The following GLRA1 variants were observed in gnomAD, a reference collection of about 807,000 sequenced individuals.
GLRA1 encodes glycine receptor subunit alpha-1.
In GLRA1, 37 loss-of-function variants were observed where a neutral mutation model predicts 48.3. The observed-to-expected ratio is 0.77, with a 90% CI of 0.59 to 1.01. The LOEUF is 1.01. Ranked by LOEUF, GLRA1 falls within the 50% of genes least tolerant of loss-of-function variation. GLRA1 has a pLI of 0.00. For missense variants in GLRA1, 427 were observed against 571.0 expected, an observed-to-expected ratio of 0.75 and a Z score of 2.57; for synonymous variants, 196 against 210.7, an observed-to-expected ratio of 0.93 and a Z score of 0.60.
At chr5:151,918,435 C>G (rs1754790430) in intron 1 of GLRA1, among the ~76,000 whole-genome samples, 1 of 152,186 alleles carries the variant, frequency 6.6e-6, no homozygotes, top group African/African-American at 2.4e-5. Context: ...TGAGGCCCTT[C>G]TCATTTCTTA....
intron 1 of GLRA1, among the ~76,000 whole-genome samples, chr5:151,913,388 G>A (rs1754663331): frequency 6.6e-6 from 1 of 152,168 alleles, no homozygotes; most frequent in Admixed American, 6.5e-5. Context: ...CACAACATGA[G>A]TTACAATACA....
chr5:151,881,058 A>G (rs1753748456), intron 3 of GLRA1, among the ~76,000 whole-genome samples: 1 of 152,224 alleles, frequency 6.6e-6, no homozygotes, highest in South Asian at 2.1e-4. Flanking sequence ...TTGAAGTTAC[A>G]TGTCTACACA....
intron 8 of GLRA1, among the ~76,000 whole-genome samples, chr5:151,823,625 T>C (rs1019435967): frequency 1.7e-4 from 26 of 152,212 alleles, no homozygotes; most frequent in Admixed American, 1.1e-3. Context: ...TCCCTGGCAG[T>C]TGTAACTTCA....
chr5:151,877,644 T>C (rs997491221), intron 3 of GLRA1, among the ~76,000 whole-genome samples: 3 of 152,166 alleles, frequency 2.0e-5, no homozygotes, highest in Admixed American at 1.3e-4. Context: ...TGGGAAGTAA[T>C]TGAATCATGG....
chr5:151,845,653 T>A (rs1226901981), intron 7 of GLRA1, among the ~76,000 whole-genome samples: 1 of 152,226 alleles, frequency 6.6e-6, no homozygotes, highest in Non-Finnish European at 1.5e-5. Context: ...GAAAACAGTT[T>A]GGCAGTTCCT....
At chr5:151,835,884 C>G (rs897534379) in intron 7 of GLRA1, among the ~76,000 whole-genome samples, 1 of 152,174 alleles carries the variant, frequency 6.6e-6, no homozygotes, top group Non-Finnish European at 1.5e-5. Flanking sequence ...GAAGCATTCC[C>G]TTTGAAAGCC....
chr5:151,832,853 T>G (rs928002853), intron 7 of GLRA1, among the ~76,000 whole-genome samples: 1 of 152,090 alleles, frequency 6.6e-6, no homozygotes, highest in South Asian at 2.1e-4. Flanking sequence ...ATTGTCAGAT[T>G]CACAAAGGTT....
intron 1 of GLRA1, among the ~76,000 whole-genome samples, chr5:151,897,947 C>T (rs566982149): frequency 1.3e-5 from 2 of 152,272 alleles, no homozygotes; most frequent in Admixed American, 6.5e-5. Flanking sequence ...ACCTTTTGGT[C>T]AGGGGATTTG....
chr5:151,918,578 A>G (rs1754794409), intron 1 of GLRA1, among the ~76,000 whole-genome samples: 1 of 152,212 alleles, frequency 6.6e-6, no homozygotes, highest in Admixed American at 6.5e-5. Context: ...GTTAGTGGGT[A>G]TTCATGTCAT....
intron 8 of GLRA1, among the ~76,000 whole-genome samples, chr5:151,827,029 G>GTTTTTTTTTTTTTT (rs199505206): frequency 7.9e-6 from 1 of 126,802 alleles, no homozygotes; most frequent in African/African-American, 2.9e-5. Flanking sequence ...CTTTCTTTCT[G>GTTTTTTTTTTTTTT]TTTTTTTTTT....
At chr5:151,876,312 C>T (rs17438981) in intron 3 of GLRA1, among the ~76,000 whole-genome samples, 2,410 of 152,226 alleles carry the variant, frequency 0.016, 30 homozygotes, top group South Asian at 0.051. Flanking sequence ...TGGTTCATCC[C>T]TTGAAACTGT....
At position 151,862,834 on chromosome 5, in the gene GLRA1, C is replaced by T. The variant is rs575879568; in HGVS notation, c.253-2826G>A. ...ATAGCTGTTCTAGTCAAAACTCCAT[C>T]CCCACCTCCCACATTTTTTTTGTCT... On this transcript the variant is annotated intron_variant, in intron 3 of 8. Coordinates refer to ENST00000274576, the MANE Select transcript of GLRA1 (RefSeq NM_000171.4). 3.9e-5 allele frequency among the ~76,000 whole-genome samples: 6 copies of T among 152,294 alleles called. 1 individual carries two copies. The highest frequency in any genetic ancestry group is 1.4e-4 in the African/African-American group (6 of 41,558).
At chr5:151,845,186 C>A (rs933457960) in intron 7 of GLRA1, among the ~76,000 whole-genome samples, 27 of 152,154 alleles carry the variant, frequency 1.8e-4, no homozygotes, top group African/African-American at 6.5e-4. Flanking sequence ...GAGGAATCCA[C>A]TCCTATGATC....
intron 1 of GLRA1, among the ~76,000 whole-genome samples, chr5:151,924,108 T>G (rs1378213058): frequency 6.6e-6 from 1 of 152,150 alleles, no homozygotes; most frequent in Non-Finnish European, 1.5e-5. Context: ...TTAGGGAGAA[T>G]GCAGTCCTAA....
At chr5:151,869,438 G>T (rs991095236) in intron 3 of GLRA1, among the ~76,000 whole-genome samples, 2 of 151,286 alleles carry the variant, frequency 1.3e-5, no homozygotes, top group Non-Finnish European at 2.9e-5. Flanking sequence ...TTTTGGTTGG[G>T]TGTGGTGGCT....
chr5:151,907,190 C>CA (rs35558701), intron 1 of GLRA1, among the ~76,000 whole-genome samples: 72,060 of 151,044 alleles, frequency 0.48, 17,356 homozygotes, highest in East Asian at 0.56. Context: ...AGAAGACTTA[C>CA]AAAAAAAAAT....
At chr5:151,885,447 C>T (rs1183827736) in intron 3 of GLRA1, among the ~76,000 whole-genome samples, 1 of 152,164 alleles carries the variant, frequency 6.6e-6, no homozygotes, top group Non-Finnish European at 1.5e-5. Context: ...ACAGAAGGGA[C>T]CCATCCCAGC....
At chr5:151,918,843 C>G (rs994865742) in intron 1 of GLRA1, among the ~76,000 whole-genome samples, 10 of 152,062 alleles carry the variant, frequency 6.6e-5, no homozygotes, top group Non-Finnish European at 1.2e-4. Flanking sequence ...TTTGAAAGAG[C>G]TACCAGAAAG....
chr5:151,835,162 T>C (rs184730967), intron 7 of GLRA1, among the ~76,000 whole-genome samples: 11 of 151,152 alleles, frequency 7.3e-5, no homozygotes, highest in Admixed American at 7.2e-4. Context: ...GCAAATAAAC[T>C]AGAAAATCTA....
Sources: gnomAD v4.1 joint callset for allele counts (sites outside exome capture counted in the v4.1 genomes callset) on GRCh38, gnomAD v4.1.1 for gene constraint, MANE v1.5 for transcripts, NCBI Gene and HGNC (gene_info 2026-07-23, HGNC 2026-07-21) for gene names.